The following KIF24 variants were observed in gnomAD, a reference collection of about 807,000 sequenced individuals.
KIF24 encodes the protein kinesin-like protein KIF24.
In KIF24, 81 loss-of-function variants were observed where a neutral mutation model predicts 118.9. The observed-to-expected ratio is 0.68, with a 90% confidence interval of 0.57 to 0.82. KIF24 has a LOEUF of 0.82. KIF24 is among the 40% of genes least tolerant of loss of function. The pLI is 0.00. For missense variants in KIF24, 1,560 were observed against 1,661.6 expected (o/e 0.94, Z 1.06); for synonymous variants, 599 against 610.0 (o/e 0.98, Z 0.27).
intron 2 of KIF24, among the ~76,000 whole-genome samples, chr9:34,307,733 T>C (rs1025452293): frequency 1.1e-4 from 16 of 151,634 alleles, no homozygotes; most frequent in Non-Finnish European, 2.1e-4. Context: ...GCCAACATGG[T>C]GAAACCCCAT....
At chr9:34,265,621 A>G (rs1272902903) in intron 8 of KIF24, among the ~76,000 whole-genome samples, 1 of 152,232 alleles carries the variant, frequency 6.6e-6, no homozygotes, top group Non-Finnish European at 1.5e-5. Context: ...ACAGCATAAT[A>G]TTATGACTGT....
At chr9:34,259,502 C>G in intron 10 of KIF24, 94 bp downstream of exon 10, 1 of 887,792 alleles carries the variant, frequency 1.1e-6, no homozygotes, top group Non-Finnish European at 1.8e-6. Context: ...TGCACTTGCA[C>G]ACACACACGC....
At chr9:34,327,743 C>G (rs1837716737) in intron 1 of KIF24, among the ~76,000 whole-genome samples, 1 of 151,562 alleles carries the variant, frequency 6.6e-6, no homozygotes. Flanking sequence ...AAAATGAGGT[C>G]TAAAGGGGCT....
chr9:34,293,199 G>T (rs1400885752), intron 4 of KIF24, among the ~76,000 whole-genome samples: 1 of 152,122 alleles, frequency 6.6e-6, no homozygotes, highest in Non-Finnish European at 1.5e-5. Context: ...CATGAAAAGG[G>T]CCAGGCACGG....
At chr9:34,279,547 T>C (rs887004034) in intron 6 of KIF24, among the ~76,000 whole-genome samples, 1 of 152,262 alleles carries the variant, frequency 6.6e-6, no homozygotes, top group African/African-American at 2.4e-5. Context: ...CAGGAAGTTC[T>C]GGTGCCTGCG....
rs904745607 is a variant in KIF24 at position 34,253,797 on chromosome 9, G to T, written c.*583C>A. 6.6e-6 allele frequency: 1 copy of T among 152,036 alleles called. No individual in the cohort carries two copies. Among genetic ancestry groups the T allele is most frequent in the African/African-American group, 2.4e-5 (1 of 41,394 alleles). The allele number at this position is 152,036 out of a possible 1,614,324, so 9.4% of individuals were successfully genotyped here. ...GCTGTCAGTGACACATCAAGTCAAG[G>T]TTTATGCTATTTACATTTTCAAAAA... is the stretch of plus-strand genomic sequence containing the variant. On this transcript the variant is annotated 3_prime_UTR_variant, in exon 13 of 13. Coordinates refer to ENST00000402558, the MANE Select transcript of KIF24 (RefSeq NM_194313.4).
In KIF24 at chr9:34,311,009, T is replaced by C. The variant is rs371375848; in HGVS notation, c.338A>G (p.Asn113Ser). The change falls in exon 2 of 13, where the codon AAT becomes AGT. Residue 113 changes from asparagine to serine, a missense_variant. Asn to Ser is a conservative substitution (Grantham distance 46). Transcript: ENST00000402558. Reference protein sequence around the residue: ...PADNKDRNASNDGFEMCSLSD... With the variant: ...PADNKDRNASSDGFEMCSLSD... ...TAAACTGCACATTTCAAACCCATCA[T>C]TGCTGGCATTTCTGTCTTTATTGTC... The C allele has an allele frequency of 3.1e-6, 5 of 1,613,880 alleles. No homozygotes were observed. Among genetic ancestry groups the C allele is most frequent in the African/African-American group, 1.3e-5 (1 of 74,952 alleles).
intron 6 of KIF24, among the ~76,000 whole-genome samples, chr9:34,279,093 G>C (rs1015609772): frequency 6.6e-6 from 1 of 152,152 alleles, no homozygotes; most frequent in Non-Finnish European, 1.5e-5. Flanking sequence ...GACAGAGTGA[G>C]ACTCTACCTC....
chr9:34,258,055 A>G (rs1291888720), intron 10 of KIF24, 74 bp from the exon 11 acceptor site: 1 of 1,153,462 alleles, frequency 8.7e-7, no homozygotes, highest in Non-Finnish European at 1.2e-6. Context: ...CTTTCTGGGA[A>G]AACAAAAACC....
intron 2 of KIF24, 29 bp downstream of exon 2, chr9:34,310,695 T>G: frequency 6.5e-7 from 1 of 1,539,600 alleles, no homozygotes; most frequent in East Asian, 2.3e-5. Flanking sequence ...CTACTTTCCC[T>G]CAAAAGAAAG....
At chr9:34,285,601 C>T (rs879633483) in intron 6 of KIF24, among the ~76,000 whole-genome samples, 4 of 151,866 alleles carry the variant, frequency 2.6e-5, no homozygotes, top group Non-Finnish European at 4.4e-5. Flanking sequence ...GGTGAAACCC[C>T]GTTTCTACTA....
At chr9:34,325,863 G>T (rs1299854510) in intron 1 of KIF24, among the ~76,000 whole-genome samples, 4 of 152,188 alleles carry the variant, frequency 2.6e-5, no homozygotes, top group Non-Finnish European at 4.4e-5. Flanking sequence ...CAGGAAAATT[G>T]TGACAGAGAT....
chr9:34,304,082 T>G (rs1373185874), intron 3 of KIF24, among the ~76,000 whole-genome samples: 5 of 152,188 alleles, frequency 3.3e-5, no homozygotes, highest in Non-Finnish European at 7.3e-5. Flanking sequence ...TATGATCATA[T>G]TTACTAAGTA....
At chr9:34,275,880 G>C (rs555729233) in intron 6 of KIF24, among the ~76,000 whole-genome samples, 142 of 152,226 alleles carry the variant, frequency 9.3e-4, no homozygotes, top group African/African-American at 3.4e-3. Context: ...ACAGCCTAAT[G>C]TTAGGCGAAT....
rs763087741 is a variant in KIF24, at chr9:34,284,124, C to G, written c.1215+2493G>C. Among the ~76,000 whole-genome samples the G allele has an allele frequency of 8.9e-4, 135 of 151,484 alleles. 1 individual carries two copies. Among genetic ancestry groups the G allele is most frequent in the Non-Finnish European group, 5.2e-4 (35 of 67,860 alleles). On this transcript the variant is annotated intron_variant, in intron 6 of 12. Coordinates refer to ENST00000402558, the MANE Select transcript of KIF24 (RefSeq NM_194313.4). ...CTCTACAAAGAATAAAAAAATTAGC[C>G]AAGTGTGGTGGCATATGCTTGTGGT...
At chr9:34,263,035 C>G in intron 9 of KIF24, 66 bp downstream of exon 9, 1 of 1,257,294 alleles carries the variant, frequency 8.0e-7, no homozygotes, top group South Asian at 1.3e-5. Context: ...ACTGAATGAA[C>G]AAATACATGA....
chr9:34,260,409 T>C (rs1030369210), intron 9 of KIF24, among the ~76,000 whole-genome samples: 1 of 152,114 alleles, frequency 6.6e-6, no homozygotes, highest in Admixed American at 6.6e-5. Context: ...ATTATACCTG[T>C]ACTTAGGAAC....
intron 6 of KIF24, among the ~76,000 whole-genome samples, chr9:34,275,175 C>G (rs1211465239): frequency 6.6e-6 from 1 of 152,182 alleles, no homozygotes; most frequent in South Asian, 2.1e-4. Flanking sequence ...AGGTGGATCA[C>G]TTTAGTGCAG....
chr9:34,263,545 C>A (rs1835173132), intron 8 of KIF24, among the ~76,000 whole-genome samples: 1 of 152,064 alleles, frequency 6.6e-6, no homozygotes. Flanking sequence ...ACTGTTGATG[C>A]ACTTAAACAG....
Sources: allele counts gnomAD v4.1 joint callset (sites outside exome capture counted in the v4.1 genomes callset), GRCh38; gene constraint gnomAD v4.1.1; transcripts MANE v1.5; gene names NCBI Gene and HGNC (gene_info 2026-07-23, HGNC 2026-07-21).